The following GAD2 variants were observed in gnomAD, a reference collection of about 807,000 sequenced individuals.
The protein encoded by GAD2 is 65 kDa glutamic acid decarboxylase.
A neutral mutation model predicts 80.1 loss-of-function variants in GAD2; 22 were observed. The observed-to-expected ratio is 0.27, with a 90% CI of 0.20 to 0.39. The LOEUF (loss-of-function observed/expected upper bound fraction) is 0.39, where lower values mean the gene tolerates loss of function less well. Ranked by LOEUF, GAD2 falls within the 10% of genes least tolerant of loss-of-function variation. The pLI is 1.00. For synonymous variants in GAD2, 274 were observed against 256.9 expected (o/e 1.07, Z -0.64); for missense variants, 624 against 738.4 (o/e 0.85, Z 1.80).
At chr10:26,272,542 C>T (rs1261486683) in intron 10 of GAD2, among the ~76,000 whole-genome samples, 5 of 125,940 alleles carry the variant, frequency 4.0e-5, no homozygotes, top group East Asian at 2.1e-4. Flanking sequence ...AAATAGTACA[C>T]GTTTGGAAAA....
At chr10:26,265,926 C>T (rs74908720) in intron 8 of GAD2, among the ~76,000 whole-genome samples, 1,695 of 152,324 alleles carry the variant, frequency 0.011, 28 homozygotes, top group African/African-American at 0.037. Context: ...TCTGGAGCTC[C>T]TTCTGCTCAC....
chr10:26,292,869 G>A (rs1834231962), intron 14 of GAD2, 33 bp from the exon 15 acceptor site: 1 of 1,576,752 alleles, frequency 6.3e-7, no homozygotes. Context: ...TGCCAGCCTG[G>A]GCCAAATGTG....
intron 8 of GAD2, among the ~76,000 whole-genome samples, chr10:26,253,194 A>G (rs895152815): frequency 6.6e-6 from 1 of 152,234 alleles, no homozygotes. Context: ...GATGTGAAGC[A>G]TTATAACTAA....
intron 8 of GAD2, among the ~76,000 whole-genome samples, chr10:26,248,157 A>T (rs1184663942): frequency 6.6e-6 from 1 of 152,186 alleles, no homozygotes; most frequent in Admixed American, 6.5e-5. Flanking sequence ...TAATTTCAGG[A>T]AAGCAGAAGT....
rs547774001 is a variant in GAD2, at chr10:26,258,605, G to T, written c.921-10514G>T. On this transcript the variant is annotated intron_variant, in intron 8 of 15. Coordinates refer to ENST00000376261, the MANE Select transcript of GAD2 (RefSeq NM_001134366.2). ...GTCTCTACGAATTTTACTACTATGGGTACCTCACTCACATGAATGGAATCA... is the reference window on the plus strand; with the variant it reads ...GTCTCTACGAATTTTACTACTATGGTTACCTCACTCACATGAATGGAATCA... Among the ~76,000 whole-genome samples, 179 of 152,168 alleles carry T rather than the reference G, an allele frequency of 1.2e-3. 4 individuals are homozygous for T. In the South Asian group the frequency reaches 0.037, roughly 31 times the overall value.
In GAD2 at chr10:26,292,521, A is replaced by C; in HGVS notation, c.1443A>C (p.Leu481Phe). 1 of 1,614,134 alleles carries C rather than the reference A, an allele frequency of 6.2e-7. No individual in the cohort carries two copies. The highest frequency in any genetic ancestry group is 8.5e-7 in the Non-Finnish European group (1 of 1,179,966). ...VDKCLELAEY[L>F]YNIIKNREGY... Reference sequence around the variant, plus strand: ...AATGTTTGGAGTTGGCAGAGTATTTATACAACATCATAAAAAACCGAGAAG... The same window carrying C: ...AATGTTTGGAGTTGGCAGAGTATTTCTACAACATCATAAAAAACCGAGAAG... Residue 481 changes from leucine to phenylalanine, a missense_variant, in exon 14 of 16, where the codon TTA becomes TTC. Physicochemically the swap from Leu to Phe is conservative, Grantham distance 22. Coordinates refer to ENST00000376261, the MANE Select transcript of GAD2 (RefSeq NM_001134366.2).
rs61216190 is a variant in GAD2 at position 26,295,508 on chromosome 10, G to GCACACACACACACACACACACA, written c.1584+2536_1584+2557dup. Among the ~76,000 whole-genome samples, 558 of 133,850 alleles carry GCACACACACACACACACACACA rather than the reference G, an allele frequency of 4.2e-3. 10 individuals carry two copies. The highest frequency in any genetic ancestry group is 0.011 in the African/African-American group (378 of 33,140). The allele number at this position is 133,850 out of a possible 152,430, so 87.8% of individuals were successfully genotyped here. Reference sequence around the variant, plus strand: ...GAACCAGTAAAATATTCATACGCATGCACACACACACACACACACACACAC... The same window carrying GCACACACACACACACACACACA: ...GAACCAGTAAAATATTCATACGCATGCACACACACACACACACACACACACACACACACACACACACACACAC... On this transcript the variant is annotated intron_variant, in intron 15 of 15. Coordinates refer to ENST00000376261, the MANE Select transcript of GAD2 (RefSeq NM_001134366.2).
chr10:26,217,608 A>C lies in GAD2; in HGVS notation c.77-2A>C. The C allele has an allele frequency of 6.2e-7, 1 of 1,612,356 alleles. No individual in the cohort carries two copies. Among genetic ancestry groups the C allele is most frequent in the East Asian group, 2.2e-5 (1 of 44,840 alleles). On this transcript the variant is annotated splice_acceptor_variant, in intron 1 of 15. Transcript: ENST00000376261. LOFTEE classifies it high-confidence loss of function. The surrounding 1 kb of genome is among the most constrained non-coding windows in gnomAD (Gnocchi z 4.9). ...TGTCTGCCTGCCTATTCTTCCTTGC[A>C]GCGCGAGCCTGGTGCCAAGTGGCTC...
intron 15 of GAD2, among the ~76,000 whole-genome samples, chr10:26,299,140 C>T (rs1834304236): frequency 3.3e-5 from 5 of 152,208 alleles, no homozygotes; most frequent in Non-Finnish European, 7.3e-5. Flanking sequence ...AAGGTGAAGT[C>T]TACCTGTTGA....
intron 11 of GAD2, among the ~76,000 whole-genome samples, chr10:26,275,702 T>G (rs190602112): frequency 6.6e-6 from 1 of 152,328 alleles, no homozygotes; most frequent in African/African-American, 2.4e-5. Context: ...GCCACAAGTT[T>G]AGGAAAGAAA....
chr10:26,245,364 C>T (rs1312571399), intron 7 of GAD2, among the ~76,000 whole-genome samples: 1 of 150,900 alleles, frequency 6.6e-6, no homozygotes, highest in Non-Finnish European at 1.5e-5. Context: ...CGCATGTACC[C>T]TGGAACTTAA....
At chr10:26,290,022 T>C (rs1834196090) in intron 13 of GAD2, among the ~76,000 whole-genome samples, 1 of 152,110 alleles carries the variant, frequency 6.6e-6, no homozygotes, top group South Asian at 2.1e-4. Context: ...GGTTTTTTTA[T>C]GATTAGCTTT....
intron 12 of GAD2, among the ~76,000 whole-genome samples, chr10:26,284,374 A>G (rs1434297692): frequency 1.3e-5 from 2 of 152,190 alleles, no homozygotes; most frequent in Non-Finnish European, 2.9e-5. Context: ...AATTTATTTG[A>G]GCACGGGAAT....
chr10:26,289,790 CA>C (rs1328116175), intron 13 of GAD2, among the ~76,000 whole-genome samples: 19 of 142,014 alleles, frequency 1.3e-4, no homozygotes, highest in South Asian at 2.2e-4. Flanking sequence ...ATCTCCCCCC[CA>C]CCTTTTTTTT....
rs551671694 is a variant in GAD2, at chr10:26,270,837, C to CT, written c.1092+88dup. 1,505 of 930,812 alleles carry CT rather than the reference C, an allele frequency of 1.6e-3. 2 individuals are homozygous for CT. Among genetic ancestry groups the CT allele is most frequent in the Non-Finnish European group, 1.9e-3 (1,106 of 571,146 alleles). 57.7% of individuals were successfully genotyped at this position (930,812 alleles called of 1,614,324 possible). A position where few individuals can be genotyped will look rare whatever the true frequency, so the allele number is the denominator to read the frequency against. On this transcript the variant is annotated intron_variant, in intron 10 of 15. Coordinates refer to ENST00000376261, the MANE Select transcript of GAD2 (RefSeq NM_001134366.2). ...GACACACAAAGGAAATTTGTTTTCT[C>CT]TTTTTTTAACTTGGTCAGCTTATTT... is the stretch of plus-strand genomic sequence containing the variant.
intron 15 of GAD2, among the ~76,000 whole-genome samples, chr10:26,293,860 T>G (rs1834245715): frequency 6.6e-6 from 1 of 152,202 alleles, no homozygotes; most frequent in South Asian, 2.1e-4. Flanking sequence ...CAGAGCAACC[T>G]GACATGGGAA....
Position 26,217,824 on chromosome 10 carries a change from T to A in GAD2, c.137-18T>A. On this transcript the variant is annotated intron_variant, in intron 2 of 15. Coordinates refer to ENST00000376261, the MANE Select transcript of GAD2 (RefSeq NM_001134366.2). This position sits in a 1 kb window ranked among gnomAD's most constrained non-coding sequence, Gnocchi z 4.9. ...CGGCGGAGGATTGACGAGGCCCGCG[T>A]TCGGTGTCCTTACCCAGCCCTGCTC... 4.4e-6 allele frequency: 7 copies of A among 1,593,510 alleles called. No homozygotes were observed. The highest frequency in any genetic ancestry group is 6.0e-6 in the Non-Finnish European group (7 of 1,169,174).
At chr10:26,274,579 G>A (rs1487418640) in intron 11 of GAD2, among the ~76,000 whole-genome samples, 1 of 152,160 alleles carries the variant, frequency 6.6e-6, no homozygotes, top group Non-Finnish European at 1.5e-5. Flanking sequence ...CAGCAAAAGC[G>A]TCACACTGGC....
chr10:26,246,409 A>C (rs7909902), intron 8 of GAD2, among the ~76,000 whole-genome samples: 4,015 of 152,252 alleles, frequency 0.026, 192 homozygotes, highest in African/African-American at 0.092. Context: ...AGCAGGAAGT[A>C]AATAAAGCAC....
Sources: gnomAD v4.1 joint callset for allele counts (sites outside exome capture counted in the v4.1 genomes callset) on GRCh38, gnomAD v4.1.1 for gene constraint, Gnocchi (gnomAD v3.1) non-coding constraint, MANE v1.5 for transcripts, NCBI Gene and HGNC (gene_info 2026-07-23, HGNC 2026-07-21) for gene names.